PCDHGB6: variants seen among roughly 807,000 people sequenced by gnomAD.
PCDHGB6 encodes the protein protocadherin gamma-B6.
PCDHGB6 carries 51 observed loss-of-function variants against 59.1 expected under a neutral mutation model. The observed-to-expected ratio is 0.86, with a 90% CI of 0.69 to 1.09. The LOEUF (loss-of-function observed/expected upper bound fraction) is 1.09. PCDHGB6 is among the 50% of genes least tolerant of loss of function. The probability of loss-of-function intolerance (pLI) is 0.00; values close to 1 mark genes in which losing one functional copy is unlikely to be tolerated. For synonymous variants in PCDHGB6, 466 were observed against 495.1 expected, an observed-to-expected ratio of 0.94 and a Z score of 0.78; for missense variants, 1,148 against 1,205.1, an observed-to-expected ratio of 0.95 and a Z score of 0.70.
chr5:141,492,084 G>A (rs979755390), intron 1 of PCDHGB6, among the ~76,000 whole-genome samples: 1 of 152,236 alleles, frequency 6.6e-6, no homozygotes, highest in Non-Finnish European at 1.5e-5. Flanking sequence ...GCTCCGGCAC[G>A]CTTCGCCGGT....
At chr5:141,415,304 C>T (rs1468756434) in intron 1 of PCDHGB6, 2 of 1,614,188 alleles carry the variant, frequency 1.2e-6, no homozygotes, top group Non-Finnish European at 8.5e-7. Context: ...GTCTTCCTGG[C>T]CTTCGTCATC....
chr5:141,438,072 A>C (rs761630845), intron 1 of PCDHGB6, among the ~76,000 whole-genome samples: 1 of 152,158 alleles, frequency 6.6e-6, no homozygotes, highest in Non-Finnish European at 1.5e-5. Flanking sequence ...AACCATACTT[A>C]ATGGAAAATT....
chr5:141,487,667 A>G lies in PCDHGB6; in HGVS notation c.2419-7140A>G, dbSNP rs2099657916. ...GCTTGAGGGTTATTCTGATCCAGGC[A>G]TATGGCTAGGCCATGTCCTAGAGAG... On this transcript the variant is annotated intron_variant, in intron 1 of 3. Transcript: ENST00000520790. This position sits in a 1 kb window ranked among gnomAD's most constrained non-coding sequence, Gnocchi z 5.0. 6.2e-7 allele frequency: 1 copy of G among 1,612,782 alleles called. No individual in the cohort carries two copies. The highest frequency in any genetic ancestry group is 1.1e-5 in the South Asian group (1 of 90,692).
At chr5:141,433,869 T>C (rs1293077938) in intron 1 of PCDHGB6, among the ~76,000 whole-genome samples, 8 of 151,960 alleles carry the variant, frequency 5.3e-5, no homozygotes, top group Non-Finnish European at 7.4e-5. Flanking sequence ...TATCCTCTAG[T>C]TTCATCCATT....
rs1356739313 is a variant in PCDHGB6, at chr5:141,490,444, A to T, written c.2419-4363A>T. The T allele has an allele frequency of 6.2e-7, 1 of 1,614,194 alleles. No individual in the cohort carries two copies. Among genetic ancestry groups the T allele is most frequent in the Non-Finnish European group, 8.5e-7 (1 of 1,180,034 alleles). On this transcript the variant is annotated intron_variant, in intron 1 of 3. Transcript: ENST00000520790. The surrounding 1 kb of genome is among the most constrained non-coding windows in gnomAD (Gnocchi z 5.4). ...GCCATTTCAGATTAAGCCTTCTGAG[A>T]ACCACTACTCGCTGCTAACCAGCCA...
intron 1 of PCDHGB6, among the ~76,000 whole-genome samples, chr5:141,469,061 G>C (rs960166489): frequency 1.3e-5 from 2 of 152,010 alleles, no homozygotes; most frequent in African/African-American, 4.8e-5. Flanking sequence ...AGGATTGCTT[G>C]AGCCTAGGAG....
At chr5:141,459,263 C>T (rs2098964603) in intron 1 of PCDHGB6, among the ~76,000 whole-genome samples, 1 of 152,176 alleles carries the variant, frequency 6.6e-6, no homozygotes, top group South Asian at 2.1e-4. Flanking sequence ...ATTAGTGTTG[C>T]CTCTTTCAGA....
At chr5:141,469,079 C>T (rs1169035651) in intron 1 of PCDHGB6, among the ~76,000 whole-genome samples, 1 of 151,492 alleles carries the variant, frequency 6.6e-6, no homozygotes, top group Non-Finnish European at 1.5e-5. Context: ...GAGTTTGAGA[C>T]CATTCTAGGC....
chr5:141,415,739 GGTTTTTT>G lies in PCDHGB6; in HGVS notation c.2418+5120_2418+5126del. 7.6e-5 allele frequency: 33 copies of G among 434,894 alleles called. No homozygotes were observed. In the African/African-American group the frequency reaches 8.5e-4, roughly 11 times the overall value. The allele number at this position is 434,894 out of a possible 1,614,324, so 26.9% of individuals were successfully genotyped here. A position where few individuals can be genotyped will look rare whatever the true frequency, so the allele number is the denominator to read the frequency against. On this transcript the variant is annotated intron_variant, in intron 1 of 3. Transcript: ENST00000520790. ...ATGAGTAGAATTTGATGTTTATTAA[GGTTTTTT>G]TTTTTTTTTTTTTTTTTTTTTTTTT...
At chr5:141,430,936 C>T (rs2097327732) in intron 1 of PCDHGB6, 4 of 1,606,984 alleles carry the variant, frequency 2.5e-6, no homozygotes, top group Admixed American at 3.4e-5. Flanking sequence ...CCCGGGAGCT[C>T]GCGGAGCGCG....
In PCDHGB6 at chr5:141,409,796, C is replaced by T. The variant is rs750405889; in HGVS notation, c.1594C>T (p.Leu532=). 1 of 1,611,944 alleles carries T rather than the reference C, an allele frequency of 6.2e-7. No individual in the cohort carries two copies. The highest frequency in any genetic ancestry group is 8.5e-7 in the Non-Finnish European group (1 of 1,179,306). ...HEQLRAFALT[L]QARDHGSPTL... ...GCAGCTGCGCGCCTTCGCGCTCACG[C>T]TGCAGGCCCGCGACCACGGCTCGCC... The change falls in exon 1 of 4, where the codon CTG becomes TTG. Residue 532 remains leucine, a synonymous_variant. Transcript: ENST00000520790.
chr5:141,408,918 C>G lies in PCDHGB6; in HGVS notation c.716C>G (p.Pro239Arg). The G allele has an allele frequency of 6.2e-7, 1 of 1,613,408 alleles. No homozygotes were observed. The highest frequency in any genetic ancestry group is 8.5e-7 in the Non-Finnish European group (1 of 1,179,722). The change falls in exon 1 of 4, where the codon CCC (proline) becomes CGC (arginine). Residue 239 changes from proline (P) to arginine (R), a missense_variant. By Grantham distance (103) the Pro-to-Arg change is moderately radical. Transcript: ENST00000520790. ...TCTGTCAAGGATACCAATGATAACC[C>G]CCCGGTTTTCAGCAGAGACGAATAT... ...EISVKDTNDN[P>R]PVFSRDEYRI...
intron 1 of PCDHGB6, chr5:141,421,469 G>C (rs767500900): frequency 2.5e-6 from 4 of 1,614,122 alleles, no homozygotes; most frequent in Non-Finnish European, 3.4e-6. Context: ...GTGAATCCGC[G>C]AAGCGGCAGC....
chr5:141,421,760 A>G, intron 1 of PCDHGB6: 1 of 1,613,868 alleles, frequency 6.2e-7, no homozygotes, highest in South Asian at 1.1e-5. Context: ...CCTAATAATT[A>G]CTTTTCCTTG....
At chr5:141,461,614 T>G (rs954890718) in intron 1 of PCDHGB6, among the ~76,000 whole-genome samples, 11 of 152,208 alleles carry the variant, frequency 7.2e-5, no homozygotes, top group Non-Finnish European at 1.2e-4. Flanking sequence ...TTCAAAGTAT[T>G]TTCTAATACA....
At chr5:141,504,529 G>A (rs1333393859) in intron 2 of PCDHGB6, among the ~76,000 whole-genome samples, 1 of 151,900 alleles carries the variant, frequency 6.6e-6, no homozygotes, top group African/African-American at 2.4e-5. Context: ...TATTTTATTC[G>A]TGTCATCATG....
chr5:141,484,603 G>T (rs1460433183), intron 1 of PCDHGB6, among the ~76,000 whole-genome samples: 1 of 152,008 alleles, frequency 6.6e-6, no homozygotes, highest in Non-Finnish European at 1.5e-5. Context: ...TAGAATACTG[G>T]TTGATGACAA....
chr5:141,509,825 C>A (rs1057042581), intron 3 of PCDHGB6, among the ~76,000 whole-genome samples: 18 of 152,222 alleles, frequency 1.2e-4, no homozygotes, highest in African/African-American at 1.2e-4. Context: ...TCTCCATCTT[C>A]TCTCTACCTC....
chr5:141,506,801 C>A (rs1322016728), intron 3 of PCDHGB6, among the ~76,000 whole-genome samples: 2 of 152,166 alleles, frequency 1.3e-5, no homozygotes, highest in Non-Finnish European at 2.9e-5. Flanking sequence ...GGCAGAGGAT[C>A]AAGGCATTGC....
Sources: allele counts gnomAD v4.1 joint callset (sites outside exome capture counted in the v4.1 genomes callset), GRCh38; gene constraint gnomAD v4.1.1; non-coding constraint Gnocchi (gnomAD v3.1); transcripts MANE v1.5; gene names NCBI Gene and HGNC (gene_info 2026-07-23, HGNC 2026-07-21).